Variants in HELLS observed in about 807,000 individuals in gnomAD.
The protein encoded by HELLS is lymphoid-specific helicase.
Under a neutral mutation model 120.0 loss-of-function variants are expected in HELLS, and 32 were observed. The ratio of observed to expected loss-of-function variants is 0.27; its 90% confidence interval spans 0.20 to 0.36. HELLS has a LOEUF of 0.36. HELLS is among the 10% of genes least tolerant of loss of function. HELLS has a pLI of 1.00. For synonymous variants in HELLS, 341 were observed against 323.4 expected (o/e 1.05, Z -0.58); for missense variants, 650 against 993.4 (o/e 0.65, Z 4.65).
In HELLS at chr10:94,597,114, A is replaced by G; in HGVS notation, c.2422+3A>G. ...GTTAGATCGAAGTGATCTTATTGGT[A>G]AGTATTATGCTTTTTTTTAATGGAA... On this transcript the variant is annotated splice_donor_region_variant and intron_variant, in intron 21 of 21. Transcript: ENST00000348459. The G allele has an allele frequency of 6.5e-7, 1 of 1,547,754 alleles. No homozygotes were observed. The highest frequency in any genetic ancestry group is 1.1e-5 in the South Asian group (1 of 88,510).
At chr10:94,608,007 G>A in exon 9 of HELLS, 1 of 341,046 alleles carries the variant, frequency 2.9e-6, no homozygotes, top group Non-Finnish European at 6.0e-6. Context: ...TTACAAGCGT[G>A]AGCCACTGCG....
intron 6 of HELLS, 79 bp from the exon 7 acceptor site, chr10:94,571,309 C>A: frequency 8.6e-7 from 1 of 1,164,362 alleles, no homozygotes; most frequent in Non-Finnish European, 1.2e-6. Flanking sequence ...AAAATGAGCA[C>A]AGAATAAATG....
chr10:94,581,449 T>G lies in HELLS; in HGVS notation c.1156T>G (p.Leu386Val), dbSNP rs1844863470. 6.2e-7 allele frequency: 1 copy of G among 1,613,120 alleles called. No individual in the cohort carries two copies. Residue 386 changes from leucine (L) to valine (V), a missense_variant, in exon 11 of 22, where the codon TTG (leucine) becomes GTG (valine). By Grantham distance (32) the Leu-to-Val change is conservative. This residue lies in a region of HELLS where 48 missense variants were observed against 127.0 expected (regional missense o/e 0.38). Transcript: ENST00000348459. ...DNKLLLTGTP[L>V]QNNLSELWSL... ...CAAACTTCTTTTGACTGGTACTCCC[T>G]TGCAAAACAATTTATCAGAACTTTG...
chr10:94,552,510 TAC>T (rs1433889277), intron 2 of HELLS, among the ~76,000 whole-genome samples: 1 of 152,274 alleles, frequency 6.6e-6, no homozygotes, highest in Non-Finnish European at 1.5e-5. Context: ...GATAGTACTG[TAC>T]AGTTTACTGC....
intron 4 of HELLS, 103 bp from the exon 5 acceptor site, chr10:94,562,588 A>G (rs1589714953): frequency 1.3e-6 from 1 of 754,624 alleles, no homozygotes; most frequent in Non-Finnish European, 2.2e-6. Flanking sequence ...GATGTGGCTC[A>G]ATTGCAGGAA....
At chr10:94,575,771 T>C (rs7908798) in intron 9 of HELLS, among the ~76,000 whole-genome samples, 48 of 122,826 alleles carry the variant, frequency 3.9e-4, no homozygotes, top group Non-Finnish European at 6.8e-4. Context: ...GGGGTTGTGT[T>C]TGTGTGTGTG....
chr10:94,583,647 A>G (rs1844983160), intron 12 of HELLS, among the ~76,000 whole-genome samples: 2 of 152,134 alleles, frequency 1.3e-5, no homozygotes, highest in African/African-American at 4.8e-5. Flanking sequence ...ATTTCCTAGC[A>G]GTGCATGTGG....
At chr10:94,574,255 A>C in intron 8 of HELLS, 68 bp downstream of exon 8, 1 of 1,014,354 alleles carries the variant, frequency 9.9e-7, no homozygotes, top group Non-Finnish European at 1.5e-6. Flanking sequence ...GATTTGAGGT[A>C]CCACAACTTG....
chr10:94,559,411 C>T (rs1293960662), intron 4 of HELLS, among the ~76,000 whole-genome samples: 1 of 151,784 alleles, frequency 6.6e-6, no homozygotes, highest in Non-Finnish European at 1.5e-5. Context: ...GTGCTGTTGG[C>T]CCTGAGTTCG....
intron 21 of HELLS, 136 bp downstream of exon 21, chr10:94,597,247 TAA>T (rs1377921625): frequency 9.3e-6 from 5 of 535,744 alleles, no homozygotes; most frequent in Non-Finnish European, 1.6e-5. Flanking sequence ...CTTAGAGTAT[TAA>T]AATCAAATCT....
chr10:94,604,661 A>G (rs1846107914), downstream of HELLS, among the ~76,000 whole-genome samples: 1 of 152,168 alleles, frequency 6.6e-6, no homozygotes, highest in South Asian at 2.1e-4. Context: ...GATCCCTTAC[A>G]TCTTTTTAGT....
At chr10:94,567,883 T>C (rs1843905394) in intron 6 of HELLS, among the ~76,000 whole-genome samples, 1 of 147,826 alleles carries the variant, frequency 6.8e-6, no homozygotes, top group African/African-American at 2.5e-5. Flanking sequence ...CACTGCAGCA[T>C]GGGCAAGAGA....
At chr10:94,555,460 C>T (rs1292284056) in intron 3 of HELLS, among the ~76,000 whole-genome samples, 1 of 151,928 alleles carries the variant, frequency 6.6e-6, no homozygotes, top group Non-Finnish European at 1.5e-5. Context: ...TAAAAAAAAC[C>T]CCAAAAGGGG....
chr10:94,575,765 T>TGTC (rs1257220827), intron 9 of HELLS, among the ~76,000 whole-genome samples: 10 of 38,700 alleles, frequency 2.6e-4, no homozygotes, highest in Non-Finnish European at 4.2e-4. Flanking sequence ...GGGGGGGGGG[T>TGTC]TGTGTTTGTG....
chr10:94,552,808 CAA>C (rs35245286), intron 2 of HELLS, among the ~76,000 whole-genome samples: 181 of 144,528 alleles, frequency 1.3e-3, no homozygotes, highest in Admixed American at 4.2e-3. Flanking sequence ...CCTGTCTTTA[CAA>C]AAAAAAAAAA....
At chr10:94,576,959 T>G in intron 10 of HELLS, 154 bp downstream of exon 10, 1 of 637,894 alleles carries the variant, frequency 1.6e-6, no homozygotes, top group Non-Finnish European at 2.7e-6. Context: ...AGCTGGAAAC[T>G]TTTATTAACA....
At position 94,590,723 on chromosome 10, in the gene HELLS, A is replaced by G; in HGVS notation, c.1714A>G (p.Asn572Asp). The G allele has an allele frequency of 6.3e-7, 1 of 1,598,358 alleles. No individual in the cohort carries two copies. Among genetic ancestry groups the G allele is most frequent in the African/African-American group, 1.3e-5 (1 of 74,712 alleles). ...AATGATGCTACTTCGTAAATGTTGT[A>G]ATCATCCATATTTGATTGAATATCC... Reference protein sequence around the residue: ...NIMMLLRKCCNHPYLIEYPID... With the variant: ...NIMMLLRKCCDHPYLIEYPID... Residue 572 changes from asparagine (N) to aspartate (D), a missense_variant, in exon 15 of 22, where the codon AAT becomes GAT. Transcript: ENST00000348459.
intron 3 of HELLS, among the ~76,000 whole-genome samples, chr10:94,557,799 T>C (rs972010542): frequency 6.6e-6 from 1 of 152,218 alleles, no homozygotes; most frequent in Non-Finnish European, 1.5e-5. Flanking sequence ...TCTGTTTGGA[T>C]TTTTCTCCAT....
In HELLS at chr10:94,596,913, C is replaced by A; in HGVS notation, c.2302C>A (p.Pro768Thr). The change falls in exon 20 of 22, where the codon CCT becomes ACT. Residue 768 changes from proline to threonine, a missense_variant. Around this residue, in one of 9 missense-constraint regions of HELLS, gnomAD observed 90 missense variants for 109.2 expected, o/e 0.82. Coordinates refer to ENST00000348459, the MANE Select transcript of HELLS (RefSeq NM_018063.5). Reference sequence around the variant, plus strand: ...AAATCTGTCTAAGAATTTCTTAGATCCTAAGGAATTAATGGAATTATTAAA... The same window carrying A: ...AAATCTGTCTAAGAATTTCTTAGATACTAAGGAATTAATGGAATTATTAAA... ...GLNLSKNFLD[P>T]KELMELLKSR... The A allele has an allele frequency of 6.6e-7, 1 of 1,519,852 alleles. No homozygotes were observed. The highest frequency in any genetic ancestry group is 9.1e-7 in the Non-Finnish European group (1 of 1,096,024). The allele number at this position is 1,519,852 out of a possible 1,614,324, so 94.1% of individuals were successfully genotyped here. A position where few individuals can be genotyped will look rare whatever the true frequency, so the allele number is the denominator to read the frequency against.
Sources: allele counts gnomAD v4.1 joint callset (sites outside exome capture counted in the v4.1 genomes callset), GRCh38; gene constraint gnomAD v4.1.1; regional missense constraint gnomAD v4.1.1; transcripts MANE v1.5; gene names NCBI Gene and HGNC (gene_info 2026-07-23, HGNC 2026-07-21).